Variants in ASCL5 observed in about 807,000 individuals in gnomAD.
ASCL5 encodes the protein achaete-scute homolog 5.
For missense variants in ASCL5, 262 were observed against 268.9 expected (o/e 0.97, Z 0.18); for synonymous variants, 124 against 131.5 (o/e 0.94, Z 0.39).
intron 1 of ASCL5, among the ~76,000 whole-genome samples, chr1:201,126,577 A>T (rs1026025024): frequency 6.6e-6 from 1 of 152,228 alleles, no homozygotes; most frequent in Non-Finnish European, 1.5e-5. Flanking sequence ...TACCCATTTG[A>T]TTCTCACATA....
At chr1:201,117,521 G>A (rs990447078) in intron 1 of ASCL5, among the ~76,000 whole-genome samples, 3 of 152,040 alleles carry the variant, frequency 2.0e-5, no homozygotes, top group Admixed American at 6.6e-5. Context: ...AAGCCTCCCC[G>A]TTGCTTTCAA....
rs536883494 is a variant in ASCL5, at chr1:201,115,264, CG to C, written c.108del (p.Ala37ProfsTer96). 6.1e-6 allele frequency: 7 copies of C among 1,143,252 alleles called. No individual in the cohort carries two copies. The highest frequency in any genetic ancestry group is 4.3e-5 in the South Asian group (1 of 23,038). 70.8% of individuals were successfully genotyped at this position (1,143,252 alleles called of 1,614,324 possible). On this transcript the variant is annotated frameshift_variant, in exon 2 of 2. Transcript: ENST00000449188. LOFTEE classifies it low-confidence loss of function (END_TRUNC). Reference sequence around the variant, plus strand: ...AAGGGCACGTTGCCCAGGGGCTCGGCGGGGGGCAGGGGCGCCTGCCGGGGAG... The same window carrying C: ...AAGGGCACGTTGCCCAGGGGCTCGGCGGGGGCAGGGGCGCCTGCCGGGGAG... ...MPPPRQAPLP[P>X]AEPLGNVPFL... is the part of the protein sequence containing the mutation.
At chr1:201,119,984 C>T (rs1663417179) in intron 1 of ASCL5, among the ~76,000 whole-genome samples, 1 of 152,176 alleles carries the variant, frequency 6.6e-6, no homozygotes, top group Non-Finnish European at 1.5e-5. Context: ...GTTTACTTTG[C>T]CCTGGGAAGC....
In ASCL5 at chr1:201,114,898, G is replaced by A. The variant is rs1045296557; in HGVS notation, c.475C>T (p.Pro159Ser). 3 of 1,229,564 alleles carry A rather than the reference G, an allele frequency of 2.4e-6. No homozygotes were observed. Among genetic ancestry groups the A allele is most frequent in the Admixed American group, 4.2e-5 (1 of 23,626 alleles). The allele number at this position is 1,229,564 out of a possible 1,614,324, so 76.2% of individuals were successfully genotyped here. A position where few individuals can be genotyped will look rare whatever the true frequency, so the allele number is the denominator to read the frequency against. The change falls in exon 2 of 2, where the codon CCC becomes TCC. Residue 159 changes from proline to serine, a missense_variant. Pro to Ser is a moderately conservative substitution (Grantham distance 74). Coordinates refer to ENST00000449188, the MANE Select transcript of ASCL5 (RefSeq NM_001270601.2). The part of the protein sequence containing the change: ...PASRGLPGTG[P>S]CPAPPATPRP... Reference sequence around the variant, plus strand: ...GGGGTGGCGGGCGGCGCGGGGCAGGGCCCGGTGCCCGGGAGGCCGCGGGAA... The same window carrying A: ...GGGGTGGCGGGCGGCGCGGGGCAGGACCCGGTGCCCGGGAGGCCGCGGGAA...
chr1:201,118,340 G>C (rs542845665), intron 1 of ASCL5, among the ~76,000 whole-genome samples: 8 of 152,108 alleles, frequency 5.3e-5, no homozygotes, highest in African/African-American at 1.9e-4. Flanking sequence ...AATTAGCAGG[G>C]TTTGGTGGCA....
At chr1:201,125,699 T>G (rs980106560) in intron 1 of ASCL5, among the ~76,000 whole-genome samples, 1 of 152,186 alleles carries the variant, frequency 6.6e-6, no homozygotes, top group African/African-American at 2.4e-5. Flanking sequence ...AGGAACCTCA[T>G]GCTCCCTCTG....
intron 1 of ASCL5, among the ~76,000 whole-genome samples, chr1:201,118,865 G>A (rs1178019687): frequency 6.6e-6 from 1 of 152,140 alleles, no homozygotes; most frequent in Non-Finnish European, 1.5e-5. Context: ...GGTTTTACGG[G>A]TGAGAAACTT....
At chr1:201,122,360 T>C (rs1313774015) in intron 1 of ASCL5, among the ~76,000 whole-genome samples, 5 of 152,190 alleles carry the variant, frequency 3.3e-5, no homozygotes, top group Non-Finnish European at 7.3e-5. Flanking sequence ...TGGCATCACT[T>C]TGCTGAGAGT....
In ASCL5 at chr1:201,114,429, G is replaced by A. The variant is rs1663284957; in HGVS notation, c.*323C>T. On this transcript the variant is annotated 3_prime_UTR_variant, in exon 2 of 2. Coordinates refer to ENST00000449188, the MANE Select transcript of ASCL5 (RefSeq NM_001270601.2). Reference sequence around the variant, plus strand: ...AGCAGAGCCACCTGAGGCCGAGCGGGAGCCAGACCCAGGGATGACCGTCCT... The same window carrying A: ...AGCAGAGCCACCTGAGGCCGAGCGGAAGCCAGACCCAGGGATGACCGTCCT... The A allele has an allele frequency of 4.2e-6, 1 of 236,610 alleles. No individual in the cohort carries two copies. Among genetic ancestry groups the A allele is most frequent in the Admixed American group, 5.7e-5 (1 of 17,584 alleles). The allele number at this position is 236,610 out of a possible 1,614,324, so 14.7% of individuals were successfully genotyped here. A position where few individuals can be genotyped will look rare whatever the true frequency, so the allele number is the denominator to read the frequency against.
chr1:201,115,130 C>T lies in ASCL5; in HGVS notation c.243G>A (p.Glu81=). The change falls in exon 2 of 2, where the codon GAG becomes GAA. Residue 81 remains glutamate, a synonymous_variant. Transcript: ENST00000449188. ...GAFGVYEYPF[E]PAFIQKRNER... ...CGTTGCGCTTCTGGATGAAGGCTGGCTCGAAGGGGTATTCGTAGACCCCGA... is the reference window on the plus strand; with the variant it reads ...CGTTGCGCTTCTGGATGAAGGCTGGTTCGAAGGGGTATTCGTAGACCCCGA... 1 of 1,231,776 alleles carries T rather than the reference C, an allele frequency of 8.1e-7. No individual in the cohort carries two copies. The allele number at this position is 1,231,776 out of a possible 1,614,324, so 76.3% of individuals were successfully genotyped here.
chr1:201,121,667 T>C lies in ASCL5; in HGVS notation c.-506+5417A>G, dbSNP rs529127924. Among the ~76,000 whole-genome samples, 3 of 152,188 alleles carry C rather than the reference T, an allele frequency of 2.0e-5. No individual in the cohort carries two copies. The South Asian group carries it at 6.2e-4, about 32-fold the overall frequency. ...ACTTTAGTAGAGACCCTATCTCTAC[T>C]AAAAATAAAAACGGTTAACTGGATG... On this transcript the variant is annotated intron_variant, in intron 1 of 1. Transcript: ENST00000449188.
intron 1 of ASCL5, among the ~76,000 whole-genome samples, chr1:201,123,932 G>A (rs1312218431): frequency 1.3e-5 from 2 of 152,290 alleles, no homozygotes; most frequent in Non-Finnish European, 2.9e-5. Flanking sequence ...GGTTGCAGAA[G>A]GGAAAGGTGA....
intron 1 of ASCL5, among the ~76,000 whole-genome samples, chr1:201,117,330 G>A (rs1475896008): frequency 6.6e-6 from 1 of 152,078 alleles, no homozygotes; most frequent in African/African-American, 2.4e-5. Context: ...CAGCTAATTG[G>A]GAGGCTGAGA....
intron 1 of ASCL5, among the ~76,000 whole-genome samples, chr1:201,123,405 T>C (rs1398093073): frequency 6.6e-6 from 1 of 152,180 alleles, no homozygotes. Context: ...AAGGACTGCA[T>C]CTTAGTGCCC....
chr1:201,125,330 T>C (rs1663559807), intron 1 of ASCL5, among the ~76,000 whole-genome samples: 1 of 152,138 alleles, frequency 6.6e-6, no homozygotes, highest in Admixed American at 6.5e-5. Flanking sequence ...CCAACATTCT[T>C]TTCCCCCATA....
At chr1:201,124,864 C>G (rs1341700956) in intron 1 of ASCL5, among the ~76,000 whole-genome samples, 3 of 152,190 alleles carry the variant, frequency 2.0e-5, no homozygotes, top group African/African-American at 7.2e-5. Flanking sequence ...GACCTGTGGC[C>G]AGGGTAGACC....
rs772548519 is a variant in ASCL5, at chr1:201,115,166, G to A, written c.207C>T (p.Phe69=). The change falls in exon 2 of 2, where the codon TTC becomes TTT. Residue 69 remains phenylalanine (F), a synonymous_variant. Transcript: ENST00000449188. ...AYAGVFPYVP[F]PGAFGVYEYP... ...ATTCGTAGACCCCGAAGGCGCCGGG[G>A]AAGGGCACGTAGGGGAACACCCCCG... is the stretch of plus-strand genomic sequence containing the variant. 6.1e-5 allele frequency: 75 copies of A among 1,231,598 alleles called. No individual in the cohort carries two copies. Among genetic ancestry groups the A allele is most frequent in the Non-Finnish European group, 6.7e-5 (66 of 987,968 alleles). The allele number at this position is 1,231,598 out of a possible 1,614,324, so 76.3% of individuals were successfully genotyped here.
intron 1 of ASCL5, among the ~76,000 whole-genome samples, chr1:201,121,299 A>G (rs2102201401): frequency 6.6e-6 from 1 of 152,356 alleles, no homozygotes; most frequent in East Asian, 1.9e-4. Flanking sequence ...TCTTCAGGGT[A>G]AATGTATTTT....
chr1:201,116,700 C>CACCT (rs1663355140), intron 1 of ASCL5, among the ~76,000 whole-genome samples: 1 of 152,156 alleles, frequency 6.6e-6, no homozygotes, highest in African/African-American at 2.4e-5. Flanking sequence ...TAGGTGCCAC[C>CACCT]AAGCTTCATT....
Sources: gnomAD v4.1 joint callset for allele counts (sites outside exome capture counted in the v4.1 genomes callset) on GRCh38, gnomAD v4.1.1 for gene constraint, MANE v1.5 for transcripts, NCBI Gene and HGNC (gene_info 2026-07-23, HGNC 2026-07-21) for gene names.